The following SNTN variants were observed in gnomAD, a reference collection of about 807,000 sequenced individuals.
SNTN encodes sentan.
Under a neutral mutation model 12.3 loss-of-function variants are expected in SNTN, and 13 were observed. That is an observed-to-expected ratio of 1.05 (90% confidence interval 0.69 to 1.67). The LOEUF is 1.67. Among genes scored for constraint, SNTN ranks in the 40% most tolerant of loss-of-function variants. The pLI is 0.00. For missense variants in SNTN, 189 were observed against 169.8 expected (o/e 1.11, Z -0.63); for synonymous variants, 69 against 58.5 (o/e 1.18, Z -0.82).
chr3:63,663,940 C>A lies in SNTN; in HGVS notation c.289C>A (p.Gln97Lys), dbSNP rs1010715251. 1 of 1,610,388 alleles carries A rather than the reference C, an allele frequency of 6.2e-7. No homozygotes were observed. Among genetic ancestry groups the A allele is most frequent in the African/African-American group, 1.3e-5 (1 of 74,824 alleles). ...TTTTATTTCTCCATTCTCACAGGGA[C>A]AAGAAACCAAGCCAAAATACAGAGA... ...QTQFRNFAEGQETKPKYREIL... is the reference protein window; with the variant it reads ...QTQFRNFAEGKETKPKYREIL... The change falls in exon 4 of 4, where the codon CAA becomes AAA. Residue 97 changes from glutamine to lysine, a missense_variant. Coordinates refer to ENST00000343837, the MANE Select transcript of SNTN (RefSeq NM_001080537.2).
intron 2 of SNTN, among the ~76,000 whole-genome samples, chr3:63,659,094 A>C (rs561880241): frequency 3.3e-5 from 5 of 152,304 alleles, no homozygotes; most frequent in Non-Finnish European, 5.9e-5. Context: ...AATTTTCTTC[A>C]TGGTAACTTG....
intron 3 of SNTN, among the ~76,000 whole-genome samples, chr3:63,663,270 T>C (rs998765420): frequency 8.5e-5 from 13 of 152,180 alleles, no homozygotes; most frequent in Admixed American, 6.5e-4. Context: ...CTCTTAATTA[T>C]CACCTGTCTC....
chr3:63,656,462 T>G (rs1166021933), intron 2 of SNTN, among the ~76,000 whole-genome samples: 2 of 152,220 alleles, frequency 1.3e-5, no homozygotes, highest in African/African-American at 4.8e-5. Flanking sequence ...TGAGATGTGT[T>G]AAGACTTAGG....
chr3:63,652,734 A>G lies in SNTN; in HGVS notation c.47A>G (p.Glu16Gly). Residue 16 changes from glutamate (E) to glycine (G), a missense_variant, in exon 1 of 4, where the codon GAA becomes GGA. By Grantham distance (98) the Glu-to-Gly change is moderately conservative. Coordinates refer to ENST00000343837, the MANE Select transcript of SNTN (RefSeq NM_001080537.2). ...ACCCAGGACAAATCTCTCCACTTGG[A>G]AGGAGATCCCAATCCTTCTGCAGCC... ...HSTQDKSLHL[E>G]GDPNPSAAPT... 6.2e-7 allele frequency: 1 copy of G among 1,614,104 alleles called. No individual in the cohort carries two copies. The highest frequency in any genetic ancestry group is 8.5e-7 in the Non-Finnish European group (1 of 1,179,966).
intron 2 of SNTN, among the ~76,000 whole-genome samples, chr3:63,656,532 T>G (rs1202811541): frequency 1.3e-5 from 2 of 152,192 alleles, no homozygotes; most frequent in African/African-American, 4.8e-5. Context: ...TGATGACATG[T>G]TGAAATGATA....
intron 3 of SNTN, among the ~76,000 whole-genome samples, chr3:63,660,083 A>T (rs543862868): frequency 2.0e-5 from 3 of 152,212 alleles, no homozygotes; most frequent in African/African-American, 7.2e-5. Context: ...GTAATTAAAA[A>T]TAGTCAAAGG....
chr3:63,663,060 T>A (rs76023110), intron 3 of SNTN, among the ~76,000 whole-genome samples: 7,440 of 152,312 alleles, frequency 0.049, 371 homozygotes, highest in East Asian at 0.27. Context: ...TCTATATTTC[T>A]GGATAATCTT....
At position 63,664,101 on chromosome 3, in the gene SNTN, T is replaced by A; in HGVS notation, c.*6T>A. ...ATGTAAAAATTATGAAATGAACAGT[T>A]TTAAATATGCTGTATAAAATAATGG... On this transcript the variant is annotated 3_prime_UTR_variant, in exon 4 of 4. Coordinates refer to ENST00000343837, the MANE Select transcript of SNTN (RefSeq NM_001080537.2). 6.3e-7 allele frequency: 1 copy of A among 1,595,870 alleles called. No homozygotes were observed.
intron 3 of SNTN, chr3:63,663,708 C>T (rs1700767661): frequency 1.5e-6 from 1 of 652,984 alleles, no homozygotes; most frequent in South Asian, 1.5e-5. Flanking sequence ...TCCCCTTCAC[C>T]TTCTACCATG....
rs112566673 is a variant in SNTN, at chr3:63,652,753, T to G, written c.66T>G (p.Ser22=). The G allele has an allele frequency of 8.1e-6, 13 of 1,614,100 alleles. No homozygotes were observed. Among genetic ancestry groups the G allele is most frequent in the African/African-American group, 6.7e-5 (5 of 75,040 alleles). ...SLHLEGDPNP[S]AAPTSTCAPR... ...ACTTGGAAGGAGATCCCAATCCTTC[T>G]GCAGCCCCAACATCCACCTGCGCAC... The change falls in exon 1 of 4, where the codon TCT becomes TCG. Residue 22 remains serine (S), a synonymous_variant. Transcript: ENST00000343837.
At chr3:63,662,789 T>C (rs1156702505) in intron 3 of SNTN, among the ~76,000 whole-genome samples, 1 of 152,198 alleles carries the variant, frequency 6.6e-6, no homozygotes, top group Admixed American at 6.5e-5. Flanking sequence ...ACCTAGCACA[T>C]GGGTGAGCAT....
chr3:63,659,777 T>A lies in SNTN; in HGVS notation c.198T>A (p.Ile66=), dbSNP rs755670713. 1 of 1,614,028 alleles carries A rather than the reference T, an allele frequency of 6.2e-7. No individual in the cohort carries two copies. The highest frequency in any genetic ancestry group is 8.5e-7 in the Non-Finnish European group (1 of 1,179,926). Residue 66 remains isoleucine, a synonymous_variant, in exon 3 of 4, where the codon ATT becomes ATA. Transcript: ENST00000343837. Reference sequence around the variant, plus strand: ...AAGCTATTGCCACCACTGCTCTGATTTTCAGAAATTCTTCTGACTCTGATG... The same window carrying A: ...AAGCTATTGCCACCACTGCTCTGATATTCAGAAATTCTTCTGACTCTGATG... ...LEKAIATTAL[I]FRNSSDSDGK...
Position 63,654,656 on chromosome 3 carries a change from T to A in SNTN, c.111-106T>A, listed in dbSNP as rs763546753. 1.1e-5 allele frequency: 11 copies of A among 1,001,804 alleles called. No homozygotes were observed. In the East Asian group the frequency reaches 2.9e-4, roughly 26 times the overall value. 62.1% of individuals were successfully genotyped at this position (1,001,804 alleles called of 1,614,324 possible). A position where few individuals can be genotyped will look rare whatever the true frequency, so the allele number is the denominator to read the frequency against. On this transcript the variant is annotated intron_variant, in intron 1 of 3. Coordinates refer to ENST00000343837, the MANE Select transcript of SNTN (RefSeq NM_001080537.2). ...TGCTCCACTAAAATCTCAGAGAATG[T>A]TTACCAAAATAAACAATTTTTAAAT...
At position 63,659,768 on chromosome 3, in the gene SNTN, T is replaced by G. The variant is rs1295960979; in HGVS notation, c.189T>G (p.Thr63=). ...ATCTGGAAAAAGCTATTGCCACCAC[T>G]GCTCTGATTTTCAGAAATTCTTCTG... ...CSDLEKAIAT[T]ALIFRNSSDS... The change falls in exon 3 of 4, where the codon ACT becomes ACG. Residue 63 remains threonine, a synonymous_variant. Transcript: ENST00000343837. The G allele has an allele frequency of 6.2e-7, 1 of 1,613,908 alleles. No homozygotes were observed. The highest frequency in any genetic ancestry group is 8.5e-7 in the Non-Finnish European group (1 of 1,179,922).
intron 3 of SNTN, among the ~76,000 whole-genome samples, chr3:63,662,826 G>T (rs1441898419): frequency 6.6e-6 from 1 of 152,168 alleles, no homozygotes; most frequent in Non-Finnish European, 1.5e-5. Flanking sequence ...TGCAAATATG[G>T]TTCAATATAA....
chr3:63,660,634 A>T (rs964706531), intron 3 of SNTN, among the ~76,000 whole-genome samples: 3 of 152,194 alleles, frequency 2.0e-5, no homozygotes, highest in Admixed American at 6.6e-5. Flanking sequence ...AAAGAAAATG[A>T]TGACAACCCA....
intron 3 of SNTN, among the ~76,000 whole-genome samples, chr3:63,662,128 T>C (rs948313996): frequency 3.9e-5 from 6 of 152,124 alleles, no homozygotes; most frequent in African/African-American, 1.4e-4. Context: ...GAGGGGACAG[T>C]TCATTCCAAG....
Position 63,652,676 on chromosome 3 carries a change from G to A in SNTN, c.-12G>A. The A allele has an allele frequency of 2.5e-6, 4 of 1,611,340 alleles. No individual in the cohort carries two copies. The highest frequency in any genetic ancestry group is 3.4e-6 in the Non-Finnish European group (4 of 1,178,070). Reference sequence around the variant, plus strand: ...GCTTAGGAAGGACTGACACAAAACAGAAGATGAGAGAATGGGTGGCTGTAT... The same window carrying A: ...GCTTAGGAAGGACTGACACAAAACAAAAGATGAGAGAATGGGTGGCTGTAT... On this transcript the variant is annotated 5_prime_UTR_variant, in exon 1 of 4. Coordinates refer to ENST00000343837, the MANE Select transcript of SNTN (RefSeq NM_001080537.2).
chr3:63,664,212 TTC>T lies in SNTN; in HGVS notation c.*119_*120del. ...ATGCATCTGAAATTGCCTAGGATGGTTCTGATTGCTGGTATTCAGATCCAATG... is the reference window on the plus strand; with the variant it reads ...ATGCATCTGAAATTGCCTAGGATGGTTGATTGCTGGTATTCAGATCCAATG... On this transcript the variant is annotated 3_prime_UTR_variant, in exon 4 of 4. Transcript: ENST00000343837. 1 of 999,732 alleles carries T rather than the reference TTC, an allele frequency of 1.0e-6. No homozygotes were observed. The highest frequency in any genetic ancestry group is 1.4e-6 in the Non-Finnish European group (1 of 699,282). 61.9% of individuals were successfully genotyped at this position (999,732 alleles called of 1,614,324 possible).
Sources: allele counts gnomAD v4.1 joint callset (sites outside exome capture counted in the v4.1 genomes callset), GRCh38; gene constraint gnomAD v4.1.1; transcripts MANE v1.5; gene names NCBI Gene and HGNC (gene_info 2026-07-23, HGNC 2026-07-21).